CYRIB: variants seen among roughly 807,000 people sequenced by gnomAD.
The protein encoded by CYRIB is CYFIP-related Rac1 interactor B.
CYRIB carries 8 observed loss-of-function variants against 44.2 expected under a neutral mutation model. The observed-to-expected ratio is 0.18, with a 90% CI of 0.11 to 0.33. CYRIB has a LOEUF of 0.33. Ranked by LOEUF, CYRIB falls within the 10% of genes least tolerant of loss-of-function variation. The pLI, the probability that CYRIB is intolerant of heterozygous loss-of-function variation, is 1.00. For synonymous variants in CYRIB, 131 were observed against 127.2 expected (o/e 1.03, Z -0.20); for missense variants, 185 against 382.8 (o/e 0.48, Z 4.31).
intron 2 of CYRIB, among the ~76,000 whole-genome samples, chr8:129,880,623 A>G (rs1417185532): frequency 6.6e-6 from 1 of 152,228 alleles, no homozygotes; most frequent in East Asian, 1.9e-4. Context: ...CTCTGAGTTT[A>G]TAGCTCCTGT....
In CYRIB at chr8:129,846,797, T is replaced by C. The variant is rs2040294191; in HGVS notation, c.911+7A>G. On this transcript the variant is annotated splice_region_variant and intron_variant, in intron 11 of 11. Coordinates refer to ENST00000519824, the Ensembl canonical transcript of CYRIB. ...TTCTGTACATACGTACACGTACATA[T>C]ACACACCTGAGAGCATTTAGAAGAC... 9.5e-6 allele frequency: 15 copies of C among 1,586,270 alleles called. No homozygotes were observed. The highest frequency in any genetic ancestry group is 1.3e-5 in the Non-Finnish European group (15 of 1,171,114).
intron 7 of CYRIB, 36 bp from the exon 10 acceptor site, chr8:129,852,314 C>T: frequency 7.8e-7 from 1 of 1,274,060 alleles, no homozygotes. Context: ...TGTTAGTTCA[C>T]AAATTATTAC....
At chr8:129,878,006 G>C (rs2059723253) in intron 3 of CYRIB, among the ~76,000 whole-genome samples, 1 of 152,170 alleles carries the variant, frequency 6.6e-6, no homozygotes, top group Admixed American at 6.5e-5. Flanking sequence ...ATATCTTCAA[G>C]TCAGCAATCT....
At chr8:129,926,694 C>T (rs1267941066) in intron 1 of CYRIB, among the ~76,000 whole-genome samples, 2 of 152,162 alleles carry the variant, frequency 1.3e-5, no homozygotes, top group Non-Finnish European at 2.9e-5. Flanking sequence ...ATATTTTCAA[C>T]AGGAACTGGG....
chr8:129,884,635 G>A (rs1588561520), intron 2 of CYRIB, among the ~76,000 whole-genome samples: 1 of 152,278 alleles, frequency 6.6e-6, no homozygotes, highest in African/African-American at 2.4e-5. Context: ...ATATATTTTA[G>A]AGGTAACAAA....
At chr8:129,991,971 A>AAAAGAGAGAG (rs994697259) in intron 1 of CYRIB, among the ~76,000 whole-genome samples, 5 of 134,604 alleles carry the variant, frequency 3.7e-5, no homozygotes, top group Non-Finnish European at 8.2e-5. Flanking sequence ...AAAAAAAAAA[A>AAAAGAGAGAG]ACAATAGGAA....
chr8:129,873,957 T>C (rs1327842574), intron 3 of CYRIB, among the ~76,000 whole-genome samples: 1 of 151,878 alleles, frequency 6.6e-6, no homozygotes, highest in Non-Finnish European at 1.5e-5. Context: ...GCTATAGAAA[T>C]GAAGACAAAC....
At chr8:129,967,378 TG>T (rs2095520723) in intron 2 of CYRIB, among the ~76,000 whole-genome samples, 1 of 151,780 alleles carries the variant, frequency 6.6e-6, no homozygotes, top group Non-Finnish European at 1.5e-5. Flanking sequence ...TTTGTTTTTT[TG>T]TTTTTTTGTT....
chr8:129,899,857 A>G (rs1218070611), intron 2 of CYRIB, among the ~76,000 whole-genome samples: 3 of 152,206 alleles, frequency 2.0e-5, no homozygotes, highest in African/African-American at 7.2e-5. Flanking sequence ...ATTTTGTGTA[A>G]GGTGGTGATG....
chr8:129,973,086 A>G (rs934428512), intron 1 of CYRIB, among the ~76,000 whole-genome samples: 11 of 152,182 alleles, frequency 7.2e-5, no homozygotes, highest in East Asian at 3.8e-4. Flanking sequence ...AAATAATTCC[A>G]TGAATTAAAC....
intron 1 of CYRIB, among the ~76,000 whole-genome samples, chr8:129,926,540 T>G (rs756334538): frequency 1.7e-4 from 26 of 152,206 alleles, no homozygotes; most frequent in Non-Finnish European, 3.5e-4. Flanking sequence ...GAACCATGTA[T>G]GCACCATATA....
chr8:129,949,223 G>C (rs1483978885), intron 2 of CYRIB: 2 of 151,988 alleles, frequency 1.3e-5, no homozygotes, highest in Non-Finnish European at 2.9e-5. Context: ...GAAGACAAAA[G>C]GATTTAATGT....
At chr8:129,882,642 T>C (rs1410429751) in intron 2 of CYRIB, among the ~76,000 whole-genome samples, 1 of 152,178 alleles carries the variant, frequency 6.6e-6, no homozygotes, top group Non-Finnish European at 1.5e-5. Flanking sequence ...CCTTACCTTT[T>C]TACGTGTATG....
At chr8:129,871,380 G>T in exon 4 of CYRIB, 1 of 1,604,418 alleles carries the variant, frequency 6.2e-7, no homozygotes, top group Non-Finnish European at 8.5e-7. Context: ...TTTACCTCTC[G>T]TATTTCGTGG....
chr8:130,001,234 A>G (rs2096900074), intron 1 of CYRIB, among the ~76,000 whole-genome samples: 1 of 152,072 alleles, frequency 6.6e-6, no homozygotes, highest in South Asian at 2.1e-4. Context: ...CTCCCACCAC[A>G]GAGCACAGGA....
chr8:129,861,691 A>C (rs1425828563), intron 5 of CYRIB, among the ~76,000 whole-genome samples: 1 of 151,242 alleles, frequency 6.6e-6, no homozygotes, highest in Non-Finnish European at 1.5e-5. Flanking sequence ...GAGCTCAAGC[A>C]ATCTCCCAAC....
rs574571007 is a variant in CYRIB, at chr8:129,952,601, C to T, written c.-243+18342G>A. On this transcript the variant is annotated intron_variant, in intron 2 of 14. Coordinates refer to the CYRIB transcript ENST00000401979. ...AACGTTTTGAACCATTTTGTTTGTC[C>T]AAAAAGATGGCATTTTAAAAAGGAA... Among the ~76,000 whole-genome samples the T allele has an allele frequency of 1.4e-4, 22 of 151,784 alleles. 1 individual carries two copies. The highest frequency in any genetic ancestry group is 7.4e-5 in the Non-Finnish European group (5 of 67,956).
rs558089319 is a variant in CYRIB at position 129,847,863 on chromosome 8, G to A, written c.841-989C>T. On this transcript the variant is annotated intron_variant, in intron 10 of 11. Transcript: ENST00000519824. Reference sequence around the variant, plus strand: ...GTCACCCAGGCTGGAGTGTAGTGGCGCAATCTTGGTTCACTGCAACCTCTG... The same window carrying A: ...GTCACCCAGGCTGGAGTGTAGTGGCACAATCTTGGTTCACTGCAACCTCTG... Among the ~76,000 whole-genome samples, 106 of 152,184 alleles carry A rather than the reference G, an allele frequency of 7.0e-4. 1 individual carries two copies. Among genetic ancestry groups the A allele is most frequent in the Non-Finnish European group, 9.4e-4 (64 of 68,000 alleles).
Position 129,850,960 on chromosome 8 carries a change from T to C in CYRIB, c.634-46A>G, listed in dbSNP as rs965138502. ...CAAAAAAAGTAAAAGTAACAAACGT[T>C]ATTACTTAAGCACAATTTAAAATTT... On this transcript the variant is annotated intron_variant, in intron 8 of 11. Transcript: ENST00000519824. 3.3e-6 allele frequency: 4 copies of C among 1,222,026 alleles called. No homozygotes were observed. In the African/African-American group the frequency reaches 6.0e-5, roughly 18 times the overall value. 75.7% of individuals were successfully genotyped at this position (1,222,026 alleles called of 1,614,324 possible).
Sources: gnomAD v4.1 joint callset for allele counts (sites outside exome capture counted in the v4.1 genomes callset) on GRCh38, gnomAD v4.1.1 for gene constraint, MANE v1.5 for transcripts, NCBI Gene and HGNC (gene_info 2026-07-23, HGNC 2026-07-21) for gene names.